PPARD: variants seen among roughly 807,000 people sequenced by gnomAD.
PPARD encodes the protein peroxisome proliferator activated receptor delta.
Under a neutral mutation model 39.5 loss-of-function variants are expected in PPARD, and 6 were observed. The observed-to-expected ratio is 0.15, with a 90% CI of 0.08 to 0.30. The LOEUF (loss-of-function observed/expected upper bound fraction) is 0.30, where lower values mean the gene tolerates loss of function less well. PPARD is among the 10% of genes least tolerant of loss of function. The pLI, the probability that PPARD is intolerant of heterozygous loss-of-function variation, is 1.00. For missense variants in PPARD, 397 were observed against 596.8 expected, an observed-to-expected ratio of 0.67 and a Z score of 3.49; for synonymous variants, 210 against 231.3, an observed-to-expected ratio of 0.91 and a Z score of 0.83.
intron 5 of PPARD, among the ~76,000 whole-genome samples, chr6:35,422,947 G>A (rs1327197489): frequency 6.6e-6 from 1 of 150,928 alleles, no homozygotes; most frequent in Admixed American, 6.7e-5. Context: ...GCCAGGTGCA[G>A]TGGCTCACAC....
intron 2 of PPARD, among the ~76,000 whole-genome samples, chr6:35,362,154 C>T (rs1761955692): frequency 6.6e-6 from 1 of 151,478 alleles, no homozygotes; most frequent in Non-Finnish European, 1.5e-5. Flanking sequence ...GTTATTTTTT[C>T]TGTCTTTCGA....
At chr6:35,343,002 T>C (rs1044495727) in intron 1 of PPARD, among the ~76,000 whole-genome samples, 3 of 151,994 alleles carry the variant, frequency 2.0e-5, no homozygotes, top group Non-Finnish European at 2.9e-5. Context: ...TGGCTTCGTC[T>C]TCTCCCACTT....
intron 2 of PPARD, among the ~76,000 whole-genome samples, chr6:35,374,657 CA>C (rs372824499): frequency 0.02 from 1,597 of 80,470 alleles, 24 homozygotes; most frequent in African/African-American, 0.047. Flanking sequence ...GACTCTGTCT[CA>C]AAAAAAAAAA....
chr6:35,365,130 C>CCTTT (rs1281072287), intron 2 of PPARD, among the ~76,000 whole-genome samples: 1 of 121,088 alleles, frequency 8.3e-6, no homozygotes, highest in African/African-American at 3.4e-5. Context: ...CTTCCTTATT[C>CCTTT]TTTTTTTTTT....
rs1436603486 is a variant in PPARD, at chr6:35,412,204, T to C, written c.130+987T>C. 6.6e-6 allele frequency among the ~76,000 whole-genome samples: 1 copy of C among 152,136 alleles called. No homozygotes were observed. The highest frequency in any genetic ancestry group is 1.5e-5 in the Non-Finnish European group (1 of 68,018). On this transcript the variant is annotated intron_variant, in intron 3 of 7. Transcript: ENST00000360694. This position sits in a 1 kb window ranked among gnomAD's most constrained non-coding sequence, Gnocchi z 4.1. ...CCTCAGCCTCCCAAAGTGCTGGGAT[T>C]ACAAGCAGGAGCCACCGCGCCTGGC...
intron 2 of PPARD, among the ~76,000 whole-genome samples, chr6:35,372,870 T>C (rs1209254936): frequency 6.6e-6 from 1 of 152,236 alleles, no homozygotes. Context: ...GGAATAACAA[T>C]GGTTCATACC....
chr6:35,390,085 A>G (rs1763922012), intron 2 of PPARD, among the ~76,000 whole-genome samples: 1 of 152,128 alleles, frequency 6.6e-6, no homozygotes. Flanking sequence ...CCATTCCCAG[A>G]TGTGCCCTGT....
Position 35,400,194 on chromosome 6 carries a change from C to T in PPARD, c.-101-10793C>T, listed in dbSNP as rs1333324990. ...CGCTGCAATTGCACGTCCCATTTCT[C>T]CTGGGCCAGTCAGAGTTTCATTGCC... On this transcript the variant is annotated intron_variant, in intron 2 of 7. Transcript: ENST00000360694. Among the ~76,000 whole-genome samples the T allele has an allele frequency of 3.9e-5, 6 of 152,208 alleles. No homozygotes were observed. In the South Asian group the frequency reaches 1.2e-3, roughly 32 times the overall value.
chr6:35,399,415 A>C lies in PPARD; in HGVS notation c.-101-11572A>C, dbSNP rs893376805. On this transcript the variant is annotated intron_variant, in intron 2 of 7. Transcript: ENST00000360694. ...ACTCTGTCTCAAAAAAAAAAAAAAA[A>C]AAAACAAAGGCTGGGTGCAGTGGCT... Among the ~76,000 whole-genome samples the C allele has an allele frequency of 2.6e-3, 392 of 151,294 alleles. 6 individuals are homozygous for C. Among genetic ancestry groups the C allele is most frequent in the Non-Finnish European group, 3.5e-3 (240 of 67,796 alleles).
intron 2 of PPARD, among the ~76,000 whole-genome samples, chr6:35,399,880 G>C (rs753487197): frequency 1.1e-4 from 17 of 151,948 alleles, no homozygotes; most frequent in Non-Finnish European, 2.1e-4. Context: ...CAGTTGTCTG[G>C]GTGTGCCCTA....
chr6:35,419,128 C>G (rs966880448), intron 3 of PPARD, among the ~76,000 whole-genome samples: 1 of 152,142 alleles, frequency 6.6e-6, no homozygotes, highest in Non-Finnish European at 1.5e-5. Flanking sequence ...CTCAAAATGG[C>G]TGATTCTCTG....
In PPARD at chr6:35,414,942, C is replaced by T. The variant is rs140012963; in HGVS notation, c.130+3725C>T. 9.2e-5 allele frequency among the ~76,000 whole-genome samples: 14 copies of T among 152,266 alleles called. No homozygotes were observed. The East Asian group carries it at 2.7e-3, about 29-fold the overall frequency. ...CAGGCAGGACAGACCTTCCCATCAACAAGGAAACTGAGGTTACCAGAAACC... is the reference window on the plus strand; with the variant it reads ...CAGGCAGGACAGACCTTCCCATCAATAAGGAAACTGAGGTTACCAGAAACC... On this transcript the variant is annotated intron_variant, in intron 3 of 7. Transcript: ENST00000360694.
intron 2 of PPARD, among the ~76,000 whole-genome samples, chr6:35,358,219 A>G (rs1761731708): frequency 6.6e-6 from 1 of 152,200 alleles, no homozygotes; most frequent in African/African-American, 2.4e-5. Flanking sequence ...CTGCAGCAAG[A>G]TGCTACACTG....
At chr6:35,397,696 G>T (rs765053599) in intron 2 of PPARD, 1 of 276,150 alleles carries the variant, frequency 3.6e-6, no homozygotes, top group Non-Finnish European at 5.5e-6. Flanking sequence ...GCCTCCTGGG[G>T]CTTATATTCT....
At position 35,424,698 on chromosome 6, in the gene PPARD, G is replaced by C; in HGVS notation, c.997G>C (p.Glu333Gln). 1 of 1,614,230 alleles carries C rather than the reference G, an allele frequency of 6.2e-7. No homozygotes were observed. The highest frequency in any genetic ancestry group is 2.2e-5 in the East Asian group (1 of 44,884). ...CAGTGATATCATTGAGCCTAAGTTT[G>C]AATTTGCTGTCAAGTTCAACGCCCT... ...PFSDIIEPKF[E>Q]FAVKFNALEL... Residue 333 changes from glutamate to glutamine, a missense_variant, in exon 7 of 8, where the codon GAA (glutamate) becomes CAA (glutamine). Coordinates refer to ENST00000360694, the MANE Select transcript of PPARD (RefSeq NM_006238.5). This position sits in a 1 kb window ranked among gnomAD's most constrained non-coding sequence, Gnocchi z 7.1.
chr6:35,394,180 T>C (rs1361248533), intron 2 of PPARD, among the ~76,000 whole-genome samples: 1 of 152,210 alleles, frequency 6.6e-6, no homozygotes, highest in African/African-American at 2.4e-5. Flanking sequence ...GGGGCAAGTG[T>C]GTGTAGCTCT....
chr6:35,409,397 T>C (rs566626660), intron 2 of PPARD, among the ~76,000 whole-genome samples: 5 of 152,010 alleles, frequency 3.3e-5, no homozygotes, highest in Non-Finnish European at 5.9e-5. Context: ...CCCAGCTACT[T>C]GGGTGGCTGA....
In PPARD at chr6:35,367,740, C is replaced by A. The variant is rs537805672; in HGVS notation, c.-102+20590C>A. ...CCAAGGCAGCTTCTCTTTGCATGGC[C>A]TCTAATCCTTCAAGAGTCTATCCTG... On this transcript the variant is annotated intron_variant, in intron 2 of 7. Coordinates refer to ENST00000360694, the MANE Select transcript of PPARD (RefSeq NM_006238.5). Among the ~76,000 whole-genome samples, 5 of 152,324 alleles carry A rather than the reference C, an allele frequency of 3.3e-5. No individual in the cohort carries two copies. The South Asian group carries it at 1.0e-3, about 32-fold the overall frequency.
Position 35,424,808 on chromosome 6 carries a change from C to T in PPARD, c.1078+29C>T. 1.9e-6 allele frequency: 3 copies of T among 1,603,838 alleles called. No homozygotes were observed. Among genetic ancestry groups the T allele is most frequent in the African/African-American group, 1.3e-5 (1 of 74,922 alleles). On this transcript the variant is annotated intron_variant, in intron 7 of 7. Transcript: ENST00000360694. This position sits in a 1 kb window ranked among gnomAD's most constrained non-coding sequence, Gnocchi z 7.1. Reference sequence around the variant, plus strand: ...AGTGAGAGTGGGGCAGGTGGGCTGGCCTGGCACACCCAGTCGTCCTGGGGG... The same window carrying T: ...AGTGAGAGTGGGGCAGGTGGGCTGGTCTGGCACACCCAGTCGTCCTGGGGG...
Sources: gnomAD v4.1 joint callset for allele counts (sites outside exome capture counted in the v4.1 genomes callset) on GRCh38, gnomAD v4.1.1 for gene constraint, Gnocchi (gnomAD v3.1) non-coding constraint, MANE v1.5 for transcripts, NCBI Gene and HGNC (gene_info 2026-07-23, HGNC 2026-07-21) for gene names.